The following STK33 variants were observed in gnomAD, a reference collection of about 807,000 sequenced individuals.
The protein encoded by STK33 is serine/threonine-protein kinase 33.
A neutral mutation model predicts 58.0 loss-of-function variants in STK33; 52 were observed. The observed-to-expected ratio is 0.90, with a 90% CI of 0.72 to 1.13. STK33 has a LOEUF of 1.13. Ranked by LOEUF, STK33 falls within the 50% of genes most tolerant of loss-of-function variation. The pLI, the probability that STK33 is intolerant of heterozygous loss-of-function variation, is 0.00. For missense variants in STK33, 630 were observed against 604.2 expected (o/e 1.04, Z -0.45); for synonymous variants, 215 against 200.1 (o/e 1.07, Z -0.63).
intron 5 of STK33, 46 bp from the exon 6 acceptor site, chr11:8,473,322 T>A (rs753082316): frequency 8.7e-7 from 1 of 1,148,960 alleles, no homozygotes; most frequent in Non-Finnish European, 1.3e-6. Flanking sequence ...TAAGATGTAA[T>A]ATTCTTTGTT....
chr11:8,445,979 T>C (rs550545925), intron 11 of STK33, among the ~76,000 whole-genome samples: 1 of 152,332 alleles, frequency 6.6e-6, no homozygotes, highest in African/African-American at 2.4e-5. Context: ...GTACCTCTGG[T>C]AGAATTCGGC....
intron 1 of STK33, among the ~76,000 whole-genome samples, chr11:8,544,314 A>AATATGTATATAT (rs1554991178): frequency 2.1e-5 from 3 of 144,920 alleles, no homozygotes; most frequent in Non-Finnish European, 4.5e-5. Context: ...ATATATATAA[A>AATATGTATATAT]ATATGTATAT....
Position 8,454,917 on chromosome 11 carries a change from A to G in STK33, c.698-85T>C, listed in dbSNP as rs953936005. On this transcript the variant is annotated intron_variant, in intron 9 of 15. Coordinates refer to ENST00000687296, the MANE Select transcript of STK33 (RefSeq NM_001352389.2). ...CATATAGATTAAATATATTTGACAA[A>G]TTAATATCCGCTGTTGAAAAATTTG... 9.2e-6 allele frequency: 12 copies of G among 1,300,940 alleles called. No homozygotes were observed. The African/African-American group carries it at 1.9e-4, about 20-fold the overall frequency. 80.6% of individuals were successfully genotyped at this position (1,300,940 alleles called of 1,614,324 possible).
At chr11:8,386,046 T>G in the STK33 span, among the ~76,000 whole-genome samples, 2 of 152,264 alleles carry the variant, frequency 1.3e-5, no homozygotes, top group Non-Finnish European at 2.9e-5. Context: ...GTGCTGGGAT[T>G]ACAGGCGTGA....
chr11:8,586,440 T>G (rs2031645003), intron 1 of STK33, among the ~76,000 whole-genome samples: 1 of 152,032 alleles, frequency 6.6e-6, no homozygotes. Flanking sequence ...CCTCCCTGAC[T>G]TCCCCCAAGC....
chr11:8,527,203 T>C (rs932425112), intron 1 of STK33, among the ~76,000 whole-genome samples: 2 of 152,128 alleles, frequency 1.3e-5, no homozygotes, highest in African/African-American at 4.8e-5. Flanking sequence ...CTAGAAGTCC[T>C]GACCTCAAAT....
chr11:8,400,083 A>T (rs1850113250), intron 15 of STK33, among the ~76,000 whole-genome samples: 2 of 152,226 alleles, frequency 1.3e-5, no homozygotes, highest in Admixed American at 6.5e-5. Context: ...TATTCCAATC[A>T]ATAGAAAAAG....
chr11:8,442,734 T>C (rs187534746), intron 11 of STK33, among the ~76,000 whole-genome samples: 1 of 152,290 alleles, frequency 6.6e-6, no homozygotes. Flanking sequence ...TTTCAAAACT[T>C]TATGCATCTA....
intron 1 of STK33, among the ~76,000 whole-genome samples, chr11:8,552,356 G>A (rs1190781857): frequency 6.6e-6 from 1 of 152,162 alleles, no homozygotes; most frequent in Non-Finnish European, 1.5e-5. Context: ...TTGTATTTTT[G>A]TAGGGAGAGT....
At chr11:8,372,400 G>A in the STK33 span, among the ~76,000 whole-genome samples, 146 of 152,294 alleles carry the variant, frequency 9.6e-4, 1 homozygote, top group Non-Finnish European at 9.7e-4. Context: ...AGAAGGGGTG[G>A]GTGGGAGAGG....
At chr11:8,381,513 A>G in the STK33 span, among the ~76,000 whole-genome samples, 1 of 152,144 alleles carries the variant, frequency 6.6e-6, no homozygotes, top group East Asian at 1.9e-4. Flanking sequence ...TGATCCCCAA[A>G]TAAGGATCCC....
At chr11:8,507,649 CCT>C (rs1316363478) in intron 1 of STK33, among the ~76,000 whole-genome samples, 1 of 152,020 alleles carries the variant, frequency 6.6e-6, no homozygotes. Flanking sequence ...TAAAGGCACC[CCT>C]GATGAAAAAC....
intron 1 of STK33, among the ~76,000 whole-genome samples, chr11:8,519,501 C>T (rs1173534832): frequency 6.6e-6 from 1 of 152,096 alleles, no homozygotes; most frequent in African/African-American, 2.4e-5. Flanking sequence ...CAGAGCAGAA[C>T]TGAAGGAGAC....
At chr11:8,519,896 C>T (rs181523672) in intron 1 of STK33, among the ~76,000 whole-genome samples, 149 of 152,242 alleles carry the variant, frequency 9.8e-4, no homozygotes, top group African/African-American at 3.5e-3. Context: ...GGATTCACAG[C>T]CGAATTCTAC....
chr11:8,532,419 C>A (rs930100103), intron 1 of STK33, among the ~76,000 whole-genome samples: 1 of 152,234 alleles, frequency 6.6e-6, no homozygotes, highest in Non-Finnish European at 1.5e-5. Flanking sequence ...GACCATATGG[C>A]CCACAGAACC....
chr11:8,457,976 G>A (rs1947079269), intron 8 of STK33, among the ~76,000 whole-genome samples: 1 of 152,178 alleles, frequency 6.6e-6, no homozygotes, highest in Admixed American at 6.5e-5. Flanking sequence ...TGAGGAGTGA[G>A]GCTAGAAAGA....
intron 1 of STK33, among the ~76,000 whole-genome samples, chr11:8,532,265 C>A (rs1221552196): frequency 6.6e-6 from 1 of 152,234 alleles, no homozygotes; most frequent in Non-Finnish European, 1.5e-5. Flanking sequence ...CAGGAGTTAG[C>A]AAACTATGGC....
At position 8,467,953 on chromosome 11, in the gene STK33, A is replaced by C. The variant is rs140027859; in HGVS notation, c.340-3131T>G. On this transcript the variant is annotated intron_variant, in intron 6 of 15. Coordinates refer to ENST00000687296, the MANE Select transcript of STK33 (RefSeq NM_001352389.2). The stretch of plus-strand genomic sequence containing the variant: ...AGCAAGACTCCATCTCAAAAAAAAA[A>C]AAAGTCACTTCTACATTTGTGGGCA... 2.6e-5 allele frequency among the ~76,000 whole-genome samples: 4 copies of C among 152,292 alleles called. No individual in the cohort carries two copies. In the East Asian group the frequency reaches 7.7e-4, roughly 29 times the overall value.
In STK33 at chr11:8,392,264, T is replaced by G; in HGVS notation, c.*246A>C. 2 of 526,120 alleles carry G rather than the reference T, an allele frequency of 3.8e-6. No individual in the cohort carries two copies. Among genetic ancestry groups the G allele is most frequent in the Non-Finnish European group, 6.7e-6 (2 of 297,602 alleles). 32.6% of individuals were successfully genotyped at this position (526,120 alleles called of 1,614,324 possible). A position where few individuals can be genotyped will look rare whatever the true frequency, so the allele number is the denominator to read the frequency against. On this transcript the variant is annotated 3_prime_UTR_variant, in exon 16 of 16. Coordinates refer to ENST00000687296, the MANE Select transcript of STK33 (RefSeq NM_001352389.2). ...CCCTAAAAAACCTTCGTGTACATCT[T>G]GAGTTGATTTCCACTGCAGCCCACT...
Sources: gnomAD v4.1 joint callset for allele counts (sites outside exome capture counted in the v4.1 genomes callset) on GRCh38, gnomAD v4.1.1 for gene constraint, MANE v1.5 for transcripts, NCBI Gene and HGNC (gene_info 2026-07-23, HGNC 2026-07-21) for gene names.